PPP2R2D: variants seen among roughly 807,000 people sequenced by gnomAD.
PPP2R2D encodes protein phosphatase 2 regulatory subunit Bdelta.
In PPP2R2D, 9 loss-of-function variants were observed where a neutral mutation model predicts 31.1. The ratio of observed to expected loss-of-function variants is 0.29; its 90% CI spans 0.17 to 0.51. The LOEUF (loss-of-function observed/expected upper bound fraction) is 0.51. PPP2R2D is among the 20% of genes least tolerant of loss of function. The pLI, the probability that PPP2R2D is intolerant of heterozygous loss-of-function variation, is 0.98. For missense variants in PPP2R2D, 391 were observed against 465.6 expected, an observed-to-expected ratio of 0.84 and a Z score of 1.48; for synonymous variants, 179 against 172.6, an observed-to-expected ratio of 1.04 and a Z score of -0.29.
chr10:131,966,928 T>G, the PPP2R2D span: 1 of 149,226 alleles, frequency 6.7e-6, no homozygotes, highest in Non-Finnish European at 1.5e-5. Flanking sequence ...CCTCCCAGGC[T>G]GGAGTGCAGT....
chr10:131,917,780 G>GTGTT (rs567600950), intron 2 of PPP2R2D, among the ~76,000 whole-genome samples: 5,380 of 102,610 alleles, frequency 0.052, 166 homozygotes, highest in Non-Finnish European at 0.055. Context: ...GAATGACACA[G>GTGTT]TGTAGGGACC....
chr10:131,938,373 T>A (rs560999531), intron 3 of PPP2R2D, among the ~76,000 whole-genome samples: 1 of 152,336 alleles, frequency 6.6e-6, no homozygotes, highest in Admixed American at 6.5e-5. Context: ...TTATGAAATA[T>A]TTAATACTTA....
intron 2 of PPP2R2D, among the ~76,000 whole-genome samples, chr10:131,917,328 C>T (rs2035824184): frequency 1.5e-5 from 2 of 130,766 alleles, no homozygotes; most frequent in Admixed American, 7.8e-5. Flanking sequence ...GTGTAGGGAC[C>T]TCAGGCGGGT....
At chr10:131,930,356 C>T (rs1056234432) in intron 2 of PPP2R2D, among the ~76,000 whole-genome samples, 3 of 152,248 alleles carry the variant, frequency 2.0e-5, no homozygotes, top group African/African-American at 7.2e-5. Context: ...CCGCCTGGCT[C>T]ATGTCCTGAG....
chr10:131,971,370 CAG>C, the PPP2R2D span: 43 of 246,798 alleles, frequency 1.7e-4, 1 homozygote, highest in South Asian at 2.1e-3. Context: ...CGGCTCAAAA[CAG>C]GGACATGACG....
At chr10:131,936,968 A>G (rs2036354141) in intron 3 of PPP2R2D, among the ~76,000 whole-genome samples, 2 of 152,366 alleles carry the variant, frequency 1.3e-5, no homozygotes, top group African/African-American at 2.4e-5. Context: ...GTGTTCATCC[A>G]TGGCCGGAGG....
chr10:131,901,138 C>T lies in PPP2R2D; in HGVS notation c.-11C>T. On this transcript the variant is annotated 5_prime_UTR_variant, in exon 1 of 9. Coordinates refer to ENST00000455566, the MANE Select transcript of PPP2R2D (RefSeq NM_018461.5). ...CTGCCGCGGTCCCCGCCCGTCCCGC[C>T]GCCGGCTGCCATGGCAGGTGAGGGG... 3.6e-6 allele frequency: 1 copy of T among 277,668 alleles called. No homozygotes were observed. The allele number at this position is 277,668 out of a possible 1,614,324, so 17.2% of individuals were successfully genotyped here.
rs1381433670 is a variant in PPP2R2D, at chr10:131,901,036, CGGCGGCGGCGCCGGCGGTGGT to C, written c.-106_-86del. The C allele has an allele frequency of 1.8e-4, 29 of 159,388 alleles. No homozygotes were observed. The highest frequency in any genetic ancestry group is 8.7e-4 in the South Asian group (5 of 5,726). 9.9% of individuals were successfully genotyped at this position (159,388 alleles called of 1,614,324 possible). On this transcript the variant is annotated 5_prime_UTR_variant, in exon 1 of 9. Transcript: ENST00000455566. ...AATCCCTCCCCGGCGGCGGCGGCGG[CGGCGGCGGCGCCGGCGGTGGT>C]GGCGGCCCCGGGGCTGAGCGCTCGG... is the stretch of plus-strand genomic sequence containing the variant.
At chr10:131,915,726 C>G (rs1304461473) in intron 2 of PPP2R2D, among the ~76,000 whole-genome samples, 1 of 152,192 alleles carries the variant, frequency 6.6e-6, no homozygotes, top group Non-Finnish European at 1.5e-5. Context: ...TTGTCAGACC[C>G]TAGAGATCTG....
intron 8 of PPP2R2D, among the ~76,000 whole-genome samples, chr10:131,951,698 T>G (rs1432484151): frequency 6.6e-6 from 1 of 152,032 alleles, no homozygotes; most frequent in Non-Finnish European, 1.5e-5. Context: ...GTGCATGCCT[T>G]TAATCCCACC....
the PPP2R2D span, chr10:131,966,546 TA>T: frequency 6.6e-6 from 1 of 152,240 alleles, no homozygotes; most frequent in African/African-American, 2.4e-5. Flanking sequence ...CCCATCTGTC[TA>T]AAGCACTCCA....
chr10:131,962,281 G>A (rs1320714485), downstream of PPP2R2D, among the ~76,000 whole-genome samples: 1 of 152,198 alleles, frequency 6.6e-6, no homozygotes, highest in African/African-American at 2.4e-5. Context: ...TCACGCACGG[G>A]AAACAGGTTT....
intron 2 of PPP2R2D, among the ~76,000 whole-genome samples, chr10:131,926,007 G>A (rs2036098254): frequency 6.6e-6 from 1 of 152,262 alleles, no homozygotes; most frequent in African/African-American, 2.4e-5. Context: ...TAAGGGACGG[G>A]ATTTTTCAAT....
the PPP2R2D span, chr10:131,967,529 C>T: frequency 1.3e-5 from 2 of 152,254 alleles, no homozygotes; most frequent in Non-Finnish European, 2.9e-5. Flanking sequence ...AGATTTAACA[C>T]CCGAATTAAG....
At chr10:131,908,469 C>T (rs1183529772) in intron 2 of PPP2R2D, among the ~76,000 whole-genome samples, 1 of 152,166 alleles carries the variant, frequency 6.6e-6, no homozygotes, top group African/African-American at 2.4e-5. Context: ...CTGTGTCCTG[C>T]TTGTGGTTCC....
intron 2 of PPP2R2D, among the ~76,000 whole-genome samples, chr10:131,903,747 G>C (rs2035539193): frequency 6.6e-6 from 1 of 152,142 alleles, no homozygotes; most frequent in Non-Finnish European, 1.5e-5. Flanking sequence ...AGTCACCATC[G>C]ATTTGTCCCA....
At chr10:131,906,623 A>G (rs1283994484) in intron 2 of PPP2R2D, among the ~76,000 whole-genome samples, 1 of 152,136 alleles carries the variant, frequency 6.6e-6, no homozygotes, top group African/African-American at 2.4e-5. Context: ...TTACTGTTTC[A>G]TTGAATGTAA....
chr10:131,931,411 G>A (rs1022518158), intron 2 of PPP2R2D, among the ~76,000 whole-genome samples: 6 of 152,146 alleles, frequency 3.9e-5, no homozygotes, highest in Admixed American at 3.3e-4. Context: ...GCAGTGGCGT[G>A]ATCTCAGCTT....
the PPP2R2D span, among the ~76,000 whole-genome samples, chr10:131,966,276 T>C: frequency 6.6e-6 from 1 of 152,272 alleles, no homozygotes; most frequent in South Asian, 2.1e-4. Flanking sequence ...AAGTGGCCAA[T>C]GTTTTTATAT....
Sources: gnomAD v4.1 joint callset for allele counts (sites outside exome capture counted in the v4.1 genomes callset) on GRCh38, gnomAD v4.1.1 for gene constraint, MANE v1.5 for transcripts, NCBI Gene and HGNC (gene_info 2026-07-23, HGNC 2026-07-21) for gene names.